The following PRKN variants were observed in gnomAD, a reference collection of about 807,000 sequenced individuals.
PRKN encodes the protein parkin RBR E3 ubiquitin protein ligase, also known as E3 ubiquitin-protein ligase parkin.
Under a neutral mutation model 59.5 loss-of-function variants are expected in PRKN, and 56 were observed. That is an observed-to-expected ratio of 0.94 (90% CI 0.76 to 1.18). The LOEUF (loss-of-function observed/expected upper bound fraction) is 1.18, where lower values mean the gene tolerates loss of function less well. Among genes scored for constraint, PRKN ranks in the 50% most tolerant of loss-of-function variants. The probability of loss-of-function intolerance (pLI) is 0.00; values close to 1 mark genes in which losing one functional copy is unlikely to be tolerated. For synonymous variants in PRKN, 250 were observed against 222.1 expected, an observed-to-expected ratio of 1.13 and a Z score of -1.12; for missense variants, 657 against 596.4, an observed-to-expected ratio of 1.10 and a Z score of -1.06.
rs1186706306 is a variant in PRKN, at chr6:161,994,490, G to A, written c.619-21073C>T. Reference sequence around the variant, plus strand: ...TACTAGCCAAGTCAATCAGGTACAAGAAAGAAAAGTCATCCAAACTGGAAA... The same window carrying A: ...TACTAGCCAAGTCAATCAGGTACAAAAAAGAAAAGTCATCCAAACTGGAAA... On this transcript the variant is annotated intron_variant, in intron 5 of 11. Transcript: ENST00000366898. Among the ~76,000 whole-genome samples the A allele has an allele frequency of 2.0e-5, 3 of 152,108 alleles. No individual in the cohort carries two copies. In the East Asian group the frequency reaches 5.8e-4, roughly 30 times the overall value.
intron 9 of PRKN, among the ~76,000 whole-genome samples, chr6:161,510,957 C>A (rs1278121549): frequency 6.6e-6 from 1 of 152,142 alleles, no homozygotes; most frequent in African/African-American, 2.4e-5. Context: ...GAAGCCAGTC[C>A]AGACATGATT....
At chr6:161,684,522 G>A (rs527836937) in intron 7 of PRKN, among the ~76,000 whole-genome samples, 22 of 152,154 alleles carry the variant, frequency 1.4e-4, no homozygotes, top group East Asian at 1.4e-3. Context: ...GTATATTCAC[G>A]TTATATCTAA....
rs10683923 is a variant in PRKN, at chr6:161,779,440, CTTTTTT to C, written c.871+6326_871+6331del. On this transcript the variant is annotated intron_variant, in intron 7 of 11. Transcript: ENST00000366898. ...TTTTTTTCTCTTTTTCTTTTCTTTT[CTTTTTT>C]TTTTTTTTTTTTTTTTGAGATGGAG... Among the ~76,000 whole-genome samples the C allele has an allele frequency of 7.2e-5, 3 of 41,842 alleles. 1 individual carries two copies. The highest frequency in any genetic ancestry group is 1.0e-4 in the African/African-American group (1 of 10,034). 27.4% of individuals were successfully genotyped at this position (41,842 alleles called of 152,430 possible). A position where few individuals can be genotyped will look rare whatever the true frequency, so the allele number is the denominator to read the frequency against.
intron 1 of PRKN, among the ~76,000 whole-genome samples, chr6:162,483,249 C>A (rs914487045): frequency 6.6e-6 from 1 of 152,012 alleles, no homozygotes; most frequent in African/African-American, 2.4e-5. Flanking sequence ...ATGACATGTG[C>A]AAGAAATTTA....
chr6:162,514,829 T>C (rs1777776998), intron 1 of PRKN, among the ~76,000 whole-genome samples: 2 of 152,186 alleles, frequency 1.3e-5, no homozygotes, highest in South Asian at 2.1e-4. Context: ...GACTATATTT[T>C]AGACTAAAAT....
intron 2 of PRKN, among the ~76,000 whole-genome samples, chr6:162,366,723 T>C (rs1785458038): frequency 6.6e-6 from 1 of 151,814 alleles, no homozygotes; most frequent in African/African-American, 2.4e-5. Flanking sequence ...CTGACCAACA[T>C]GGAGAAACCC....
intron 5 of PRKN, among the ~76,000 whole-genome samples, chr6:162,010,144 G>A (rs116626550): frequency 0.075 from 11,053 of 146,508 alleles, 538 homozygotes; most frequent in Middle Eastern, 0.11. Flanking sequence ...CCTCTGGCTC[G>A]TGTTAGCACA....
intron 4 of PRKN, among the ~76,000 whole-genome samples, chr6:162,106,501 C>T (rs932803199): frequency 7.3e-5 from 11 of 151,468 alleles, no homozygotes. Flanking sequence ...TTGAAATAAC[C>T]TAAACATTTC....
chr6:161,846,055 C>G (rs1416073838), intron 6 of PRKN, among the ~76,000 whole-genome samples: 3 of 152,116 alleles, frequency 2.0e-5, no homozygotes, highest in Non-Finnish European at 4.4e-5. Flanking sequence ...CCCAACTTCC[C>G]TCATCTAACA....
At chr6:162,099,212 A>G (rs553554316) in intron 4 of PRKN, among the ~76,000 whole-genome samples, 1 of 152,324 alleles carries the variant, frequency 6.6e-6, no homozygotes, top group East Asian at 1.9e-4. Context: ...GCCGTCAGGT[A>G]CAATCTTGGG....
intron 1 of PRKN, among the ~76,000 whole-genome samples, chr6:162,554,641 G>C (rs1583790419): frequency 6.6e-6 from 1 of 151,586 alleles, no homozygotes; most frequent in Non-Finnish European, 1.5e-5. Context: ...GGGGTGGGGG[G>C]AGCACAGCGC....
At chr6:161,749,788 T>C (rs1354482686) in intron 7 of PRKN, among the ~76,000 whole-genome samples, 1 of 151,988 alleles carries the variant, frequency 6.6e-6, no homozygotes, top group African/African-American at 2.4e-5. Context: ...TTGACAAACT[T>C]GTGTAGTTGG....
chr6:162,679,065 G>A (rs1215720059), intron 1 of PRKN, among the ~76,000 whole-genome samples: 1 of 115,100 alleles, frequency 8.7e-6, no homozygotes, highest in East Asian at 3.6e-4. Flanking sequence ...GTGAGCCACT[G>A]TGCCTGGCCT....
At chr6:162,245,984 T>C (rs967126764) in intron 3 of PRKN, among the ~76,000 whole-genome samples, 1 of 152,186 alleles carries the variant, frequency 6.6e-6, no homozygotes. Context: ...GACTAATACA[T>C]TTTTGTGATT....
In PRKN at chr6:161,385,220, G is replaced by C. The variant is rs1041421840; in HGVS notation, c.1167+1574C>G. ...TGGGATTACAGGCATAAGCCACCTC[G>C]CCCGGCCGGGAAATATACTTTTCAA... On this transcript the variant is annotated intron_variant, in intron 10 of 11. Coordinates refer to ENST00000366898, the MANE Select transcript of PRKN (RefSeq NM_004562.3). The surrounding 1 kb of genome is among the most constrained non-coding windows in gnomAD (Gnocchi z 4.9). 6.6e-6 allele frequency among the ~76,000 whole-genome samples: 1 copy of C among 152,058 alleles called. No homozygotes were observed. The highest frequency in any genetic ancestry group is 1.5e-5 in the Non-Finnish European group (1 of 68,026).
At chr6:162,166,926 A>G (rs1023263028) in intron 4 of PRKN, among the ~76,000 whole-genome samples, 3 of 152,110 alleles carry the variant, frequency 2.0e-5, no homozygotes, top group Non-Finnish European at 4.4e-5. Context: ...TTTATTTTCC[A>G]TCTGACTTTC....
intron 7 of PRKN, among the ~76,000 whole-genome samples, chr6:161,657,337 T>C (rs755967124): frequency 3.9e-5 from 6 of 152,164 alleles, no homozygotes; most frequent in African/African-American, 1.4e-4. Flanking sequence ...TTAGACATAA[T>C]TAGTTTTTTA....
intron 2 of PRKN, among the ~76,000 whole-genome samples, chr6:162,277,470 G>C (rs1011372270): frequency 1.2e-4 from 19 of 152,138 alleles, no homozygotes; most frequent in African/African-American, 4.6e-4. Context: ...TGTGTGAGAA[G>C]ACTGTTCTAT....
intron 2 of PRKN, among the ~76,000 whole-genome samples, chr6:162,371,059 A>G (rs2128136881): frequency 6.6e-6 from 1 of 152,346 alleles, no homozygotes; most frequent in East Asian, 1.9e-4. Flanking sequence ...AGCCAGACGA[A>G]GACAGAAGGC....
Sources: gnomAD v4.1 joint callset for allele counts (sites outside exome capture counted in the v4.1 genomes callset) on GRCh38, gnomAD v4.1.1 for gene constraint, Gnocchi (gnomAD v3.1) non-coding constraint, MANE v1.5 for transcripts, NCBI Gene and HGNC (gene_info 2026-07-23, HGNC 2026-07-21) for gene names.